The following GABRA2 variants were observed in gnomAD, a reference collection of about 807,000 sequenced individuals.
GABRA2 encodes the protein gamma-aminobutyric acid receptor subunit alpha-2.
Under a neutral mutation model 48.7 loss-of-function variants are expected in GABRA2, and 16 were observed. That is an observed-to-expected ratio of 0.33 (90% CI 0.22 to 0.50). The LOEUF (loss-of-function observed/expected upper bound fraction) is 0.50, where lower values mean the gene tolerates loss of function less well. Ranked by LOEUF, GABRA2 falls within the 20% of genes least tolerant of loss-of-function variation. The probability of loss-of-function intolerance (pLI) is 0.98; values close to 1 mark genes in which losing one functional copy is unlikely to be tolerated. For synonymous variants in GABRA2, 185 were observed against 184.5 expected, an observed-to-expected ratio of 1.00 and a Z score of -0.02; for missense variants, 275 against 535.6, an observed-to-expected ratio of 0.51 and a Z score of 4.80.
rs1012855942 is a variant in GABRA2, at chr4:46,245,523, A to G, written c.*4785T>C. The stretch of plus-strand genomic sequence containing the variant: ...ATATGCATAACTCAAACCTAATTCT[A>G]ATTAATAAGTTTGTTATGGATTTAC... On this transcript the variant is annotated 3_prime_UTR_variant, in exon 10 of 10. Coordinates refer to ENST00000381620, the MANE Select transcript of GABRA2 (RefSeq NM_000807.4). Among the ~76,000 whole-genome samples the G allele has an allele frequency of 2.2e-4, 34 of 151,456 alleles. No homozygotes were observed. Among genetic ancestry groups the G allele is most frequent in the South Asian group, 8.3e-4 (4 of 4,818 alleles).
chr4:46,348,476 A>G (rs1391081827), intron 3 of GABRA2, among the ~76,000 whole-genome samples: 4 of 152,076 alleles, frequency 2.6e-5, no homozygotes, highest in Admixed American at 1.3e-4. Context: ...ACATGCACAC[A>G]TATGTTTATT....
In GABRA2 at chr4:46,311,484, A is replaced by G. The variant is rs1178568563; in HGVS notation, c.476+1012T>C. ...GAAACATTTTAACTTTAGATTCCAC[A>G]TAATCTTACTAGATTTGTTATTTTT... is the stretch of plus-strand genomic sequence containing the variant. On this transcript the variant is annotated intron_variant, in intron 5 of 9. Transcript: ENST00000381620. Among the ~76,000 whole-genome samples, 4 of 152,218 alleles carry G rather than the reference A, an allele frequency of 2.6e-5. No individual in the cohort carries two copies. In the South Asian group the frequency reaches 8.3e-4, roughly 31 times the overall value.
intron 3 of GABRA2, among the ~76,000 whole-genome samples, chr4:46,341,796 C>CT (rs1370280119): frequency 1.3e-5 from 2 of 149,688 alleles, no homozygotes; most frequent in African/African-American, 4.9e-5. Flanking sequence ...TAAAAGCCCC[C>CT]TATTGTCATC....
At chr4:46,316,427 C>G (rs1385954505) in intron 4 of GABRA2, among the ~76,000 whole-genome samples, 1 of 151,956 alleles carries the variant, frequency 6.6e-6, no homozygotes, top group Non-Finnish European at 1.5e-5. Flanking sequence ...TCCAATAAAA[C>G]TCTGTTTACA....
intron 4 of GABRA2, among the ~76,000 whole-genome samples, chr4:46,317,227 A>G (rs980351092): frequency 2.0e-5 from 3 of 151,862 alleles, no homozygotes; most frequent in African/African-American, 7.2e-5. Context: ...GTTGGTTATA[A>G]CTTAGTAAAT....
chr4:46,247,544 A>T lies in GABRA2; in HGVS notation c.*2764T>A, dbSNP rs1467101144. 6.6e-6 allele frequency among the ~76,000 whole-genome samples: 1 copy of T among 151,190 alleles called. No homozygotes were observed. Among genetic ancestry groups the T allele is most frequent in the East Asian group, 2.0e-4 (1 of 5,118 alleles). ...GTAGTAGCTATAAAATAATGAGATT[A>T]TATCTCTATATATGTACATGTATTT... On this transcript the variant is annotated 3_prime_UTR_variant, in exon 10 of 10. Transcript: ENST00000381620.
intron 6 of GABRA2, among the ~76,000 whole-genome samples, chr4:46,307,084 T>C (rs2109654108): frequency 6.6e-6 from 1 of 152,212 alleles, no homozygotes. Flanking sequence ...ATTCTAAAAA[T>C]GTATATGTAT....
intron 4 of GABRA2, among the ~76,000 whole-genome samples, chr4:46,324,359 A>G (rs986993330): frequency 2.6e-4 from 39 of 152,022 alleles, no homozygotes; most frequent in African/African-American, 8.7e-4. Context: ...AACTATCTAC[A>G]TGTATTGATA....
intron 3 of GABRA2, among the ~76,000 whole-genome samples, chr4:46,359,055 T>C (rs1010230246): frequency 1.3e-5 from 2 of 152,192 alleles, no homozygotes; most frequent in African/African-American, 2.4e-5. Context: ...TTTTCAGACA[T>C]GACATCAAAA....
rs1714460226 is a variant in GABRA2, at chr4:46,250,215, A to C, written c.*93T>G. 3 of 1,035,386 alleles carry C rather than the reference A, an allele frequency of 2.9e-6. No homozygotes were observed. The highest frequency in any genetic ancestry group is 4.3e-6 in the Non-Finnish European group (3 of 694,026). The allele number at this position is 1,035,386 out of a possible 1,614,324, so 64.1% of individuals were successfully genotyped here. ...ACTATATACATACTGTACATGTTGG[A>C]TCACAAATTAGCAGTTATTAGTCAG... On this transcript the variant is annotated 3_prime_UTR_variant, in exon 10 of 10. Transcript: ENST00000381620.
chr4:46,389,033 C>A, intron 1 of GABRA2: 4 of 1,124,578 alleles, frequency 3.6e-6, no homozygotes, highest in African/African-American at 1.8e-5. Flanking sequence ...CACTGTTTTG[C>A]GCACACGTAA....
chr4:46,337,387 T>C (rs1314354461), intron 3 of GABRA2, among the ~76,000 whole-genome samples: 1 of 152,048 alleles, frequency 6.6e-6, no homozygotes, highest in African/African-American at 2.4e-5. Context: ...TAAACATGGT[T>C]AACATGTATA....
chr4:46,289,879 T>TTTTTTTTATTTATTTATTTA (rs1256052563), intron 8 of GABRA2, among the ~76,000 whole-genome samples: 32 of 128,350 alleles, frequency 2.5e-4, no homozygotes, highest in African/African-American at 1.4e-3. Flanking sequence ...TACCAGTTTA[T>TTTTTTTTATTTATTTATTTA]TTTATTTATT....
chr4:46,361,406 C>T (rs1315791344), intron 3 of GABRA2, among the ~76,000 whole-genome samples: 1 of 152,182 alleles, frequency 6.6e-6, no homozygotes, highest in African/African-American at 2.4e-5. Context: ...TGGCAGCTTC[C>T]ACATGGTGTT....
intron 4 of GABRA2, among the ~76,000 whole-genome samples, chr4:46,319,877 T>C (rs1578035338): frequency 1.3e-5 from 2 of 151,916 alleles, no homozygotes; most frequent in Admixed American, 6.6e-5. Context: ...TTTGATATAA[T>C]ATGTGTCATT....
intron 3 of GABRA2, chr4:46,367,173 A>G (rs1714165496): frequency 6.6e-6 from 1 of 152,140 alleles, no homozygotes; most frequent in Non-Finnish European, 1.5e-5. Context: ...ATTGTTTCTG[A>G]GAAGGATGAC....
At chr4:46,281,503 A>G (rs1721528446) in intron 8 of GABRA2, among the ~76,000 whole-genome samples, 1 of 152,198 alleles carries the variant, frequency 6.6e-6, no homozygotes, top group South Asian at 2.1e-4. Context: ...GTTATCCTAG[A>G]AAGAGAATGA....
At chr4:46,291,366 T>C (rs1303120784) in intron 8 of GABRA2, among the ~76,000 whole-genome samples, 1 of 152,174 alleles carries the variant, frequency 6.6e-6, no homozygotes, top group Non-Finnish European at 1.5e-5. Flanking sequence ...TCTAGGAATG[T>C]GTCCAAGATT....
intron 3 of GABRA2, among the ~76,000 whole-genome samples, chr4:46,362,367 T>C (rs1713344915): frequency 6.6e-6 from 1 of 152,196 alleles, no homozygotes; most frequent in Admixed American, 6.5e-5. Context: ...TGTCTTCCAC[T>C]ATGATTACAA....
Sources: allele counts gnomAD v4.1 joint callset (sites outside exome capture counted in the v4.1 genomes callset), GRCh38; gene constraint gnomAD v4.1.1; transcripts MANE v1.5; gene names NCBI Gene and HGNC (gene_info 2026-07-23, HGNC 2026-07-21).